The following PXDNL variants were observed in gnomAD, a reference collection of about 807,000 sequenced individuals.
PXDNL encodes the protein probable oxidoreductase PXDNL.
A neutral mutation model predicts 150.8 loss-of-function variants in PXDNL; 145 were observed. That is an observed-to-expected ratio of 0.96 (90% CI 0.84 to 1.10). The LOEUF is 1.10. PXDNL is among the 50% of genes least tolerant of loss of function. The pLI is 0.00. For synonymous variants in PXDNL, 757 were observed against 725.7 expected, an observed-to-expected ratio of 1.04 and a Z score of -0.69; for missense variants, 2,087 against 1,873.9, an observed-to-expected ratio of 1.11 and a Z score of -2.10.
chr8:51,674,858 A>G (rs893996955), intron 1 of PXDNL, among the ~76,000 whole-genome samples: 1 of 152,248 alleles, frequency 6.6e-6, no homozygotes, highest in East Asian at 1.9e-4. Context: ...TTTCAGGTCC[A>G]GATTTGTCTC....
At chr8:51,377,963 G>A (rs1256786895) in intron 17 of PXDNL, among the ~76,000 whole-genome samples, 1 of 152,264 alleles carries the variant, frequency 6.6e-6, no homozygotes, top group African/African-American at 2.4e-5. Context: ...GGTATCCACT[G>A]GGTGAAGCCA....
intron 1 of PXDNL, among the ~76,000 whole-genome samples, chr8:51,743,287 G>A (rs956928208): frequency 2.6e-5 from 4 of 152,076 alleles, no homozygotes; most frequent in South Asian, 4.2e-4. Context: ...GCATGATCTC[G>A]GCTCACTGTA....
At chr8:51,745,818 G>A (rs2036978377) in intron 1 of PXDNL, among the ~76,000 whole-genome samples, 1 of 150,252 alleles carries the variant, frequency 6.7e-6, no homozygotes, top group Non-Finnish European at 1.5e-5. Flanking sequence ...TGGTGAGACT[G>A]GAGTGCAGTG....
intron 1 of PXDNL, among the ~76,000 whole-genome samples, chr8:51,780,250 C>T (rs971335636): frequency 2.6e-5 from 4 of 152,090 alleles, no homozygotes; most frequent in African/African-American, 9.7e-5. Context: ...CCTCCTAGGA[C>T]CTGCTGATTC....
chr8:51,408,066 C>A lies in PXDNL; in HGVS notation c.3557+1G>T, dbSNP rs1808484453. On this transcript the variant is annotated splice_donor_variant, in intron 17 of 22. Transcript: ENST00000356297. LOFTEE classifies it high-confidence loss of function. Reference sequence around the variant, plus strand: ...AATCCAGGCAGCATTTGCATACTTACTTTCTCAGTTTTTGTCTAATCTCTG... The same window carrying A: ...AATCCAGGCAGCATTTGCATACTTAATTTCTCAGTTTTTGTCTAATCTCTG... 6.3e-7 allele frequency: 1 copy of A among 1,597,898 alleles called. No individual in the cohort carries two copies. Among genetic ancestry groups the A allele is most frequent in the Non-Finnish European group, 8.5e-7 (1 of 1,173,390 alleles).
intron 1 of PXDNL, among the ~76,000 whole-genome samples, chr8:51,789,602 T>G (rs1044821342): frequency 6.6e-6 from 1 of 152,222 alleles, no homozygotes; most frequent in African/African-American, 2.4e-5. Flanking sequence ...TTCCATGACA[T>G]CATGCCTGTG....
chr8:51,538,543 A>T (rs1435418348), intron 4 of PXDNL, among the ~76,000 whole-genome samples: 2 of 152,116 alleles, frequency 1.3e-5, no homozygotes, highest in East Asian at 3.9e-4. Flanking sequence ...AGGCGGGTGG[A>T]TCACCTGAGG....
At chr8:51,598,270 T>C (rs1813618206) in intron 2 of PXDNL, among the ~76,000 whole-genome samples, 1 of 152,176 alleles carries the variant, frequency 6.6e-6, no homozygotes, top group Non-Finnish European at 1.5e-5. Context: ...TAGTAGTATT[T>C]TGAATAGGAA....
chr8:51,474,251 C>T (rs1334547916), intron 7 of PXDNL, among the ~76,000 whole-genome samples: 1 of 152,134 alleles, frequency 6.6e-6, no homozygotes, highest in African/African-American at 2.4e-5. Flanking sequence ...TGCACACACA[C>T]ACACGAAGGT....
intron 1 of PXDNL, among the ~76,000 whole-genome samples, chr8:51,662,453 G>A (rs907158544): frequency 6.6e-6 from 1 of 152,210 alleles, no homozygotes; most frequent in African/African-American, 2.4e-5. Flanking sequence ...AGGAGGTGGA[G>A]TGAGCTGAGA....
chr8:51,625,897 A>T (rs1227560952), intron 2 of PXDNL, among the ~76,000 whole-genome samples: 7 of 152,210 alleles, frequency 4.6e-5, no homozygotes. Context: ...CAGCCAAGCG[A>T]AGATTTAAAG....
chr8:51,728,274 T>A (rs907218947), intron 1 of PXDNL, among the ~76,000 whole-genome samples: 4 of 152,244 alleles, frequency 2.6e-5, no homozygotes, highest in African/African-American at 9.7e-5. Context: ...TACTTGATAA[T>A]GATAATAAAT....
intron 12 of PXDNL, among the ~76,000 whole-genome samples, chr8:51,444,013 ACTTTAGGTAGCTT>A (rs1436939838): frequency 2.0e-5 from 3 of 152,208 alleles, no homozygotes; most frequent in African/African-American, 7.2e-5. Flanking sequence ...TTATCATTTA[ACTTTAGGTAGCTT>A]CTTTTGACAT....
chr8:51,627,523 T>TA (rs1057007144), intron 2 of PXDNL, among the ~76,000 whole-genome samples: 1 of 151,614 alleles, frequency 6.6e-6, no homozygotes, highest in African/African-American at 2.4e-5. Flanking sequence ...AATGTCAGAA[T>TA]AAAAAAAATA....
chr8:51,521,623 A>G, intron 4 of PXDNL, among the ~76,000 whole-genome samples: 1 of 152,162 alleles, frequency 6.6e-6, no homozygotes, highest in East Asian at 1.9e-4. Flanking sequence ...AGTTTCCAAA[A>G]TTCAAATATC....
At chr8:51,415,121 A>G (rs1291274390) in intron 14 of PXDNL, among the ~76,000 whole-genome samples, 2 of 152,180 alleles carry the variant, frequency 1.3e-5, no homozygotes, top group Non-Finnish European at 2.9e-5. Context: ...CTCATCCAGT[A>G]ATTTCAATCC....
intron 4 of PXDNL, among the ~76,000 whole-genome samples, chr8:51,544,140 T>C (rs1293521599): frequency 6.6e-6 from 1 of 152,230 alleles, no homozygotes; most frequent in Admixed American, 6.5e-5. Context: ...AAAAGGTCTT[T>C]ACCTTTGGTA....
intron 1 of PXDNL, among the ~76,000 whole-genome samples, chr8:51,692,147 AC>A (rs949712450): frequency 1.3e-5 from 2 of 152,168 alleles, no homozygotes; most frequent in Non-Finnish European, 2.9e-5. Flanking sequence ...AGAGTCTGAG[AC>A]TTTTTATTAT....
chr8:51,363,044 G>A (rs1484150846), intron 19 of PXDNL, among the ~76,000 whole-genome samples: 4 of 152,108 alleles, frequency 2.6e-5, no homozygotes, highest in South Asian at 4.1e-4. Flanking sequence ...TCAGTTCCTA[G>A]AACAGCAGCT....
Sources: allele counts gnomAD v4.1 joint callset (sites outside exome capture counted in the v4.1 genomes callset), GRCh38; gene constraint gnomAD v4.1.1; transcripts MANE v1.5; gene names NCBI Gene and HGNC (gene_info 2026-07-23, HGNC 2026-07-21).